Variants in CXADR observed in about 807,000 individuals in gnomAD.
The protein encoded by CXADR is CXADR cell adhesion molecule.
Under a neutral mutation model 40.3 loss-of-function variants are expected in CXADR, and 20 were observed. The observed-to-expected ratio is 0.50, with a 90% CI of 0.35 to 0.72. CXADR has a LOEUF of 0.72. Ranked by LOEUF, CXADR falls within the 30% of genes least tolerant of loss-of-function variation. CXADR has a pLI of 0.01. For synonymous variants in CXADR, 150 were observed against 161.3 expected, an observed-to-expected ratio of 0.93 and a Z score of 0.53; for missense variants, 332 against 449.1, an observed-to-expected ratio of 0.74 and a Z score of 2.36.
chr21:17,575,209 G>A (rs2061312198), intron 7 of CXADR, among the ~76,000 whole-genome samples: 1 of 152,042 alleles, frequency 6.6e-6, no homozygotes, highest in Non-Finnish European at 1.5e-5. Flanking sequence ...TGTTGAGACA[G>A]GGTCTTGCTC....
Sources: gnomAD v4.1 joint callset for allele counts (sites outside exome capture counted in the v4.1 genomes callset) on GRCh38, gnomAD v4.1.1 for gene constraint, MANE v1.5 for transcripts, NCBI Gene and HGNC (gene_info 2026-07-23, HGNC 2026-07-21) for gene names.